The following ACO2 variants were observed in gnomAD, a reference collection of about 807,000 sequenced individuals.
ACO2 encodes the protein aconitase 2.
Under a neutral mutation model 84.5 loss-of-function variants are expected in ACO2, and 31 were observed. The ratio of observed to expected loss-of-function variants is 0.37; its 90% CI spans 0.28 to 0.50. The LOEUF is 0.50. ACO2 is among the 20% of genes least tolerant of loss of function. ACO2 has a pLI of 0.97. For missense variants in ACO2, 685 were observed against 1,029.3 expected (o/e 0.67, Z 4.58); for synonymous variants, 414 against 412.7 (o/e 1.00, Z -0.04).
chr22:41,481,107 C>T (rs539254128), intron 1 of ACO2, among the ~76,000 whole-genome samples: 5 of 152,254 alleles, frequency 3.3e-5, no homozygotes, highest in African/African-American at 4.8e-5. Context: ...CCATTACCCT[C>T]GGCCAAAATC....
chr22:41,495,702 G>A (rs1485957096), intron 1 of ACO2, among the ~76,000 whole-genome samples: 2 of 149,674 alleles, frequency 1.3e-5, no homozygotes, highest in Non-Finnish European at 3.0e-5. Flanking sequence ...CTCACTGCAA[G>A]CTCCACCTCC....
intron 1 of ACO2, among the ~76,000 whole-genome samples, chr22:41,485,762 T>G (rs1195355636): frequency 1.3e-5 from 2 of 151,936 alleles, no homozygotes; most frequent in Non-Finnish European, 2.9e-5. Context: ...AATTTTTGTA[T>G]TATTAGTACA....
intron 1 of ACO2, among the ~76,000 whole-genome samples, chr22:41,493,978 G>C (rs761286055): frequency 1.1e-4 from 17 of 152,176 alleles, no homozygotes; most frequent in Non-Finnish European, 2.2e-4. Context: ...AGAATTGCTT[G>C]AACCCTGGAG....
intron 1 of ACO2, among the ~76,000 whole-genome samples, chr22:41,483,221 C>T (rs5758374): frequency 2.0e-5 from 3 of 152,144 alleles, no homozygotes; most frequent in East Asian, 1.9e-4. Flanking sequence ...AAAATTTTCC[C>T]GTTTCCCAGT....
chr22:41,526,179 C>A, intron 14 of ACO2, 83 bp from the exon 15 acceptor site: 1 of 1,283,076 alleles, frequency 7.8e-7, no homozygotes, highest in Non-Finnish European at 1.1e-6. Flanking sequence ...GGCCCCGGGG[C>A]CTGCTGCCTG....
chr22:41,523,931 C>T lies in ACO2; in HGVS notation c.1472C>T (p.Thr491Met), dbSNP rs746532454. ...AACCCCGAGACCCATGCCTTTGTCACGTCCCCAGAGGTGAGACTGCCCAGC... is the reference window on the plus strand; with the variant it reads ...AACCCCGAGACCCATGCCTTTGTCATGTCCCCAGAGGTGAGACTGCCCAGC... Reference protein sequence around the residue: ...DANPETHAFVTSPEIVTALAI... With the variant: ...DANPETHAFVMSPEIVTALAI... The change falls in exon 12 of 18, where the codon ACG becomes ATG. Residue 491 changes from threonine to methionine, a missense_variant. Physicochemically the swap from Thr to Met is moderately conservative, Grantham distance 81 (BLOSUM62 -1). This residue lies in a region of ACO2 where 311 missense variants were observed against 441.6 expected (regional missense o/e 0.70). Transcript: ENST00000216254. 4.3e-6 allele frequency: 7 copies of T among 1,613,120 alleles called. No individual in the cohort carries two copies. Among genetic ancestry groups the T allele is most frequent in the East Asian group, 4.5e-5 (2 of 44,884 alleles).
Position 41,526,251 on chromosome 22 carries a change from T to TA in ACO2, c.1762-10dup. The stretch of plus-strand genomic sequence containing the variant: ...TGCCCTGACCTCTGTCCTCTCTACT[T>TA]ACCACCCAAGGTCAAAGGGAAGTGT... On this transcript the variant is annotated splice_polypyrimidine_tract_variant and intron_variant, in intron 14 of 17. Transcript: ENST00000216254. The TA allele has an allele frequency of 6.2e-7, 1 of 1,610,120 alleles. No homozygotes were observed. The highest frequency in any genetic ancestry group is 8.5e-7 in the Non-Finnish European group (1 of 1,178,478).
At chr22:41,513,454 T>C (rs1456829108) in intron 4 of ACO2, among the ~76,000 whole-genome samples, 2 of 152,218 alleles carry the variant, frequency 1.3e-5, no homozygotes, top group Non-Finnish European at 2.9e-5. Flanking sequence ...AACCCAAACC[T>C]GAACCCCTTT....
rs1202239465 is a variant in ACO2 at position 41,528,521 on chromosome 22, A to G, written c.2251A>G (p.Thr751Ala). Residue 751 changes from threonine (T) to alanine (A), a missense_variant, in exon 18 of 18, where the codon ACC becomes GCC. Around this residue, in one of 5 missense-constraint regions of ACO2, gnomAD observed 174 missense variants for 236.6 expected, o/e 0.74. Coordinates refer to ENST00000216254, the MANE Select transcript of ACO2 (RefSeq NM_001098.3). ...CAAGCACCCCAACGGGACCCAGGAG[A>G]CCATCCTCCTGAACCACACCTTCAA... is the stretch of plus-strand genomic sequence containing the variant. ...IIKHPNGTQETILLNHTFNET... is the reference protein window; with the variant it reads ...IIKHPNGTQEAILLNHTFNET... The G allele has an allele frequency of 6.2e-7, 1 of 1,612,734 alleles. No homozygotes were observed. The highest frequency in any genetic ancestry group is 1.7e-5 in the Admixed American group (1 of 60,020).
intron 14 of ACO2, among the ~76,000 whole-genome samples, 182 bp downstream of exon 14, chr22:41,525,530 T>C (rs1196341678): frequency 6.6e-6 from 1 of 152,242 alleles, no homozygotes; most frequent in Non-Finnish European, 1.5e-5. Context: ...CCCCCTTCTC[T>C]GTGGCCCCGA....
rs1437357236 is a variant in ACO2, at chr22:41,526,265, A to C, written c.1765A>C (p.Lys589Gln). 1 of 1,611,438 alleles carries C rather than the reference A, an allele frequency of 6.2e-7. No homozygotes were observed. The highest frequency in any genetic ancestry group is 8.5e-7 in the Non-Finnish European group (1 of 1,179,482). ...LEDLQILIKVKGKCTTDHISA... is the reference protein window; with the variant it reads ...LEDLQILIKVQGKCTTDHISA... The stretch of plus-strand genomic sequence containing the variant: ...TCCTCTCTACTTACCACCCAAGGTC[A>C]AAGGGAAGTGTACCACTGACCACAT... The change falls in exon 15 of 18, where the codon AAA becomes CAA. Residue 589 changes from lysine to glutamine, a missense_variant. Lys to Gln is a moderately conservative substitution (Grantham distance 53, BLOSUM62 1). This residue lies in a region of ACO2 where 10 missense variants were observed against 39.7 expected (regional missense o/e 0.25). Coordinates refer to ENST00000216254, the MANE Select transcript of ACO2 (RefSeq NM_001098.3).
Position 41,507,814 on chromosome 22 carries a change from C to T in ACO2, c.197C>T (p.Ser66Leu), listed in dbSNP as rs1324459057. The change falls in exon 3 of 18, where the codon TCG (serine) becomes TTG (leucine). Residue 66 changes from serine to leucine, a missense_variant. By Grantham distance (145) the Ser-to-Leu change is moderately radical. Transcript: ENST00000216254. ...AGACTGAACCGGCCGCTGACACTCT[C>T]GGAGAAGATTGTGTATGGACACCTG... ...RKRLNRPLTL[S>L]EKIVYGHLDD... 8 of 1,614,128 alleles carry T rather than the reference C, an allele frequency of 5.0e-6. No individual in the cohort carries two copies. The highest frequency in any genetic ancestry group is 2.2e-5 in the East Asian group (1 of 44,884).
At chr22:41,507,493 C>T (rs994489630) in intron 2 of ACO2, among the ~76,000 whole-genome samples, 5 of 152,188 alleles carry the variant, frequency 3.3e-5, no homozygotes, top group African/African-American at 1.2e-4. Context: ...AATTACGATG[C>T]TGGGAAAGCC....
At chr22:41,513,069 C>T (rs1442868004) in intron 4 of ACO2, among the ~76,000 whole-genome samples, 1 of 152,222 alleles carries the variant, frequency 6.6e-6, no homozygotes, top group African/African-American at 2.4e-5. Context: ...CCAACCATCA[C>T]TCTTGCCAGG....
In ACO2 at chr22:41,508,020, G is replaced by T; in HGVS notation, c.403G>T (p.Gly135Trp). 6.2e-7 allele frequency: 1 copy of T among 1,613,270 alleles called. No homozygotes were observed. The highest frequency in any genetic ancestry group is 8.5e-7 in the Non-Finnish European group (1 of 1,179,240). Residue 135 changes from glycine (G) to tryptophan (W), a missense_variant, in exon 3 of 18, where the codon GGG (glycine) becomes TGG (tryptophan). Transcript: ENST00000216254. ...HCDHLIEAQV[G>W]GEKDLRRAKD... The stretch of plus-strand genomic sequence containing the variant: ...TGACCATCTGATTGAAGCCCAGGTT[G>T]GGGGCGAGAAAGACCTGCGCCGGGC...
chr22:41,521,936 T>A (rs2066530019), intron 9 of ACO2, among the ~76,000 whole-genome samples: 1 of 152,190 alleles, frequency 6.6e-6, no homozygotes, highest in African/African-American at 2.4e-5. Flanking sequence ...CATGCCTGGC[T>A]AATTTTTGTA....
chr22:41,518,004 T>C (rs897095291), intron 7 of ACO2, among the ~76,000 whole-genome samples: 2 of 152,140 alleles, frequency 1.3e-5, no homozygotes, highest in African/African-American at 2.4e-5. Context: ...AGGGGAACAT[T>C]TGGAAGGAGA....
intron 1 of ACO2, among the ~76,000 whole-genome samples, chr22:41,476,153 A>T (rs748831229): frequency 6.6e-6 from 1 of 152,134 alleles, no homozygotes; most frequent in African/African-American, 2.4e-5. Flanking sequence ...CATGCCTGTA[A>T]TCCCAGCACT....
chr22:41,478,536 T>C (rs778324547), intron 1 of ACO2, among the ~76,000 whole-genome samples: 2 of 152,220 alleles, frequency 1.3e-5, no homozygotes, highest in Admixed American at 6.5e-5. Context: ...AAGGACAACA[T>C]TGGGGAAGTG....
Sources: allele counts gnomAD v4.1 joint callset (sites outside exome capture counted in the v4.1 genomes callset), GRCh38; gene constraint gnomAD v4.1.1; regional missense constraint gnomAD v4.1.1; transcripts MANE v1.5; gene names NCBI Gene and HGNC (gene_info 2026-07-23, HGNC 2026-07-21).